The following IRS1 variants were observed in gnomAD, a reference collection of about 807,000 sequenced individuals.
IRS1 encodes the protein insulin receptor substrate 1.
Under a neutral mutation model 65.6 loss-of-function variants are expected in IRS1, and 34 were observed. The observed-to-expected ratio is 0.52, with a 90% CI of 0.39 to 0.69. IRS1 has a LOEUF of 0.69. Ranked by LOEUF, IRS1 falls within the 30% of genes least tolerant of loss-of-function variation. The pLI, the probability that IRS1 is intolerant of heterozygous loss-of-function variation, is 0.00. For synonymous variants in IRS1, 699 were observed against 683.5 expected, an observed-to-expected ratio of 1.02 and a Z score of -0.35; for missense variants, 1,641 against 1,720.2, an observed-to-expected ratio of 0.95 and a Z score of 0.81.
intron 1 of IRS1, among the ~76,000 whole-genome samples, chr2:226,779,772 C>T (rs1939345566): frequency 6.6e-6 from 1 of 152,128 alleles, no homozygotes; most frequent in Non-Finnish European, 1.5e-5. Flanking sequence ...GCGGACACAC[C>T]AGTTTAGAAT....
In IRS1 at chr2:226,799,671, C is replaced by A; in HGVS notation, c.-933G>T. ...TACTTCTCCCCTCCTCCCTCCTCCT[C>A]CTCCTCCTCGGAGAGTTGCCGAGAG... On this transcript the variant is annotated 5_prime_UTR_variant, in exon 1 of 2. Coordinates refer to ENST00000305123, the MANE Select transcript of IRS1 (RefSeq NM_005544.3). The surrounding 1 kb of genome is among the most constrained non-coding windows in gnomAD (Gnocchi z 6.1). 1.0e-6 allele frequency: 1 copy of A among 1,001,120 alleles called. No homozygotes were observed. The highest frequency in any genetic ancestry group is 4.6e-5 in the South Asian group (1 of 21,536). 62.0% of individuals were successfully genotyped at this position (1,001,120 alleles called of 1,614,324 possible).
rs201358267 is a variant in IRS1 at position 226,796,646 on chromosome 2, A to G, written c.2093T>C (p.Leu698Pro). 40 of 1,613,868 alleles carry G rather than the reference A, an allele frequency of 2.5e-5. 1 individual carries two copies. The South Asian group carries it at 2.7e-4, about 11-fold the overall frequency. Residue 698 changes from leucine to proline, a missense_variant, in exon 1 of 2, where the codon CTG becomes CCG. By Grantham distance (98) the Leu-to-Pro change is moderately conservative. This residue lies in a region of IRS1 where 1,324 missense variants were observed against 1,361.0 expected (regional missense o/e 0.97). Coordinates refer to ENST00000305123, the MANE Select transcript of IRS1 (RefSeq NM_005544.3). ...GTGGCCCCCTACCCCGTTTGTCCACAGCTTTCCATAGCTGGTCCCGGAAGG... is the reference window on the plus strand; with the variant it reads ...GTGGCCCCCTACCCCGTTTGTCCACGGCTTTCCATAGCTGGTCCCGGAAGG... ...AVPSGTSYGK[L>P]WTNGVGGHHS... is the part of the protein sequence containing the mutation.
chr2:226,743,766 G>C lies in IRS1; in HGVS notation c.*22-7516C>G, dbSNP rs140256651. Among the ~76,000 whole-genome samples the C allele has an allele frequency of 1.6e-3, 249 of 152,266 alleles. 1 individual carries two copies. Among genetic ancestry groups the C allele is most frequent in the African/African-American group, 5.2e-3 (218 of 41,548 alleles). Reference sequence around the variant, plus strand: ...TTTGGGGTTTTGTTTGTAATGGTCAGATTACAGGATACAGGTTTTATAGGT... The same window carrying C: ...TTTGGGGTTTTGTTTGTAATGGTCACATTACAGGATACAGGTTTTATAGGT... On this transcript the variant is annotated intron_variant, in intron 1 of 1. Transcript: ENST00000305123.
chr2:226,791,935 G>A (rs1398797823), intron 1 of IRS1, among the ~76,000 whole-genome samples: 1 of 152,148 alleles, frequency 6.6e-6, no homozygotes, highest in Non-Finnish European at 1.5e-5. Context: ...GGGCTCGGAA[G>A]AGGGAGGAGA....
intron 1 of IRS1, among the ~76,000 whole-genome samples, chr2:226,757,541 G>C (rs73083618): frequency 6.6e-6 from 1 of 152,146 alleles, no homozygotes; most frequent in East Asian, 1.9e-4. Context: ...GCTTGAACCC[G>C]AAAGTGGAGG....
At chr2:226,748,413 A>G (rs1304823553) in intron 1 of IRS1, among the ~76,000 whole-genome samples, 11 of 142,262 alleles carry the variant, frequency 7.7e-5, no homozygotes, top group Middle Eastern at 3.6e-3. Flanking sequence ...TGGGAAACAG[A>G]GCGAGACTCT....
At chr2:226,752,482 A>G (rs1938704231) in intron 1 of IRS1, among the ~76,000 whole-genome samples, 1 of 152,178 alleles carries the variant, frequency 6.6e-6, no homozygotes, top group Non-Finnish European at 1.5e-5. Context: ...TTACATGGCA[A>G]TTTCATTCAC....
intron 1 of IRS1, among the ~76,000 whole-genome samples, chr2:226,780,211 T>C (rs1447662521): frequency 6.6e-6 from 1 of 151,936 alleles, no homozygotes; most frequent in Non-Finnish European, 1.5e-5. Flanking sequence ...GCCAACATGG[T>C]GAAACCCCAT....
At chr2:226,739,275 G>C (rs1394593908) in intron 1 of IRS1, among the ~76,000 whole-genome samples, 1 of 152,182 alleles carries the variant, frequency 6.6e-6, no homozygotes, top group Non-Finnish European at 1.5e-5. Context: ...TCTTTGTACA[G>C]GGTGTGTGTA....
At chr2:226,742,622 C>G (rs1382667893) in intron 1 of IRS1, among the ~76,000 whole-genome samples, 1 of 151,788 alleles carries the variant, frequency 6.6e-6, no homozygotes, top group African/African-American at 2.4e-5. Context: ...GAGGCCATCT[C>G]GCTCCAGTTC....
At chr2:226,740,093 G>A (rs1014883982) in intron 1 of IRS1, among the ~76,000 whole-genome samples, 3 of 152,166 alleles carry the variant, frequency 2.0e-5, no homozygotes, top group African/African-American at 7.2e-5. Flanking sequence ...AAACAAAAAG[G>A]CAAAACATTT....
At position 226,798,747 on chromosome 2, in the gene IRS1, C is replaced by T. The variant is rs774079123; in HGVS notation, c.-9G>A. ...TCCGGAGGGCTCGCCATGCTGCCAC[C>T]GCCACCACCAACGCTGAGCAGAGGG... On this transcript the variant is annotated 5_prime_UTR_variant, in exon 1 of 2. Transcript: ENST00000305123. The surrounding 1 kb of genome is among the most constrained non-coding windows in gnomAD (Gnocchi z 9.4). The T allele has an allele frequency of 3.7e-5, 59 of 1,609,216 alleles. No individual in the cohort carries two copies. In the South Asian group the frequency reaches 6.1e-4, roughly 17 times the overall value.
chr2:226,740,615 C>G (rs1938418231), intron 1 of IRS1, among the ~76,000 whole-genome samples: 2 of 152,128 alleles, frequency 1.3e-5, no homozygotes, highest in Admixed American at 6.5e-5. Context: ...CATTCTTGGT[C>G]AGAACAATTG....
chr2:226,766,161 A>ATTTTTTTTTTTTTT (rs1312915502), intron 1 of IRS1, among the ~76,000 whole-genome samples: 3 of 5,458 alleles, frequency 5.5e-4, no homozygotes, highest in South Asian at 7.8e-3. Flanking sequence ...ATATATATAT[A>ATTTTTTTTTTTTTT]TATTTTTTTT....
intron 1 of IRS1, among the ~76,000 whole-genome samples, chr2:226,791,802 C>T (rs902825692): frequency 3.9e-5 from 6 of 151,962 alleles, no homozygotes; most frequent in Non-Finnish European, 7.4e-5. Flanking sequence ...GGCGGGGCCT[C>T]GCCCGCCAGC....
At position 226,796,561 on chromosome 2, in the gene IRS1, T is replaced by C; in HGVS notation, c.2178A>G (p.Leu726=). 1.2e-6 allele frequency: 2 copies of C among 1,613,962 alleles called. No homozygotes were observed. The highest frequency in any genetic ancestry group is 1.1e-5 in the South Asian group (1 of 91,084). ...PPVESSGGKL[L]PCTGDYMNMS... ...TGTTCATGTAGTCACCTGTGCAAGG[T>C]AAGAGCTTACCACCGCTGCTCTCCA... Residue 726 remains leucine (L), a synonymous_variant, in exon 1 of 2, where the codon TTA becomes TTG. Coordinates refer to ENST00000305123, the MANE Select transcript of IRS1 (RefSeq NM_005544.3).
Position 226,791,042 on chromosome 2 carries a change from G to A in IRS1, c.*21+3947C>T, listed in dbSNP as rs57053209. Among the ~76,000 whole-genome samples the A allele has an allele frequency of 8.8e-3, 1,334 of 152,274 alleles. 21 individuals are homozygous for A. The highest frequency in any genetic ancestry group is 0.03 in the African/African-American group (1,266 of 41,542). Reference sequence around the variant, plus strand: ...CTCAGGATCTGCAAGCTGCAGTCCCGTCTTTCATTTCGCTGTGAGCTCCCT... The same window carrying A: ...CTCAGGATCTGCAAGCTGCAGTCCCATCTTTCATTTCGCTGTGAGCTCCCT... On this transcript the variant is annotated intron_variant, in intron 1 of 1. Coordinates refer to ENST00000305123, the MANE Select transcript of IRS1 (RefSeq NM_005544.3).
intron 1 of IRS1, among the ~76,000 whole-genome samples, chr2:226,745,217 T>C (rs74324584): frequency 0.02 from 3,081 of 152,294 alleles, 97 homozygotes; most frequent in African/African-American, 0.069. Flanking sequence ...GCAGGAACCA[T>C]ATTAATTAGC....
intron 1 of IRS1, among the ~76,000 whole-genome samples, chr2:226,748,107 A>AAATCTCT (rs1352021060): frequency 6.6e-6 from 1 of 151,438 alleles, no homozygotes. Flanking sequence ...CATTGCCCTC[A>AAATCTCT]AATCTCTGAG....
Sources: allele counts gnomAD v4.1 joint callset (sites outside exome capture counted in the v4.1 genomes callset), GRCh38; gene constraint gnomAD v4.1.1; regional missense constraint gnomAD v4.1.1; non-coding constraint Gnocchi (gnomAD v3.1); transcripts MANE v1.5; gene names NCBI Gene and HGNC (gene_info 2026-07-23, HGNC 2026-07-21).